Variants in ARL15 observed in about 807,000 individuals in gnomAD.
The protein encoded by ARL15 is ADP-ribosylation factor-like protein 15.
ARL15 carries 19 observed loss-of-function variants against 25.2 expected under a neutral mutation model. The ratio of observed to expected loss-of-function variants is 0.75; its 90% CI spans 0.53 to 1.10. The LOEUF (loss-of-function observed/expected upper bound fraction) is 1.10, where lower values mean the gene tolerates loss of function less well. Ranked by LOEUF, ARL15 falls within the 50% of genes least tolerant of loss-of-function variation. The probability of loss-of-function intolerance (pLI) is 0.00; values close to 1 mark genes in which losing one functional copy is unlikely to be tolerated. For missense variants in ARL15, 220 were observed against 246.0 expected (o/e 0.89, Z 0.71); for synonymous variants, 94 against 86.8 (o/e 1.08, Z -0.46).
intron 4 of ARL15, among the ~76,000 whole-genome samples, chr5:54,057,999 T>A (rs1163173815): frequency 7.0e-6 from 1 of 142,850 alleles, no homozygotes; most frequent in African/African-American, 2.8e-5. Context: ...TTTATTTATT[T>A]ATTTATTTAT....
chr5:54,133,903 A>C (rs904967620), intron 3 of ARL15, among the ~76,000 whole-genome samples: 1 of 152,228 alleles, frequency 6.6e-6, no homozygotes, highest in Admixed American at 6.5e-5. Context: ...AGATCAGATA[A>C]GAAAAAAAAC....
chr5:54,135,905 T>A (rs891297480), intron 3 of ARL15, among the ~76,000 whole-genome samples: 2 of 152,196 alleles, frequency 1.3e-5, no homozygotes, highest in Non-Finnish European at 2.9e-5. Flanking sequence ...ACACTGCTTC[T>A]GAGAAGGACA....
chr5:54,088,443 T>TA (rs917789941), intron 4 of ARL15, among the ~76,000 whole-genome samples: 96 of 151,590 alleles, frequency 6.3e-4, no homozygotes, highest in Admixed American at 1.4e-3. Flanking sequence ...AACAAAACTG[T>TA]AAAAAAAAAT....
intron 4 of ARL15, among the ~76,000 whole-genome samples, chr5:54,043,367 G>A (rs921163683): frequency 1.3e-5 from 2 of 152,156 alleles, no homozygotes; most frequent in East Asian, 3.9e-4. Context: ...AAGGCTCTGA[G>A]TGAATGGTAG....
chr5:53,994,025 G>A (rs533141285), intron 4 of ARL15, among the ~76,000 whole-genome samples: 1 of 152,240 alleles, frequency 6.6e-6, no homozygotes, highest in African/African-American at 2.4e-5. Context: ...CAATCCAGTG[G>A]GGGTAAATGA....
At chr5:54,153,953 G>A (rs944695577) in intron 3 of ARL15, among the ~76,000 whole-genome samples, 6 of 152,050 alleles carry the variant, frequency 3.9e-5, no homozygotes, top group Admixed American at 2.0e-4. Context: ...ATTTTCATGC[G>A]CCATTAGAGA....
At chr5:54,268,436 T>C (rs1452157025) in intron 1 of ARL15, among the ~76,000 whole-genome samples, 1 of 152,244 alleles carries the variant, frequency 6.6e-6, no homozygotes, top group Non-Finnish European at 1.5e-5. Flanking sequence ...CTCGGAGTAG[T>C]TTGATCGTCT....
At chr5:54,082,385 C>T (rs919680469) in intron 4 of ARL15, among the ~76,000 whole-genome samples, 2 of 152,002 alleles carry the variant, frequency 1.3e-5, no homozygotes, top group African/African-American at 4.8e-5. Flanking sequence ...TATAGGTTGA[C>T]TTTTTTTTAA....
chr5:54,068,925 G>A (rs368391411), intron 4 of ARL15, among the ~76,000 whole-genome samples: 1 of 152,190 alleles, frequency 6.6e-6, no homozygotes, highest in Non-Finnish European at 1.5e-5. Flanking sequence ...AATAATGCCA[G>A]TTGAGAGCTA....
At chr5:54,235,219 G>T (rs922527262) in intron 1 of ARL15, among the ~76,000 whole-genome samples, 3 of 152,130 alleles carry the variant, frequency 2.0e-5, no homozygotes, top group Admixed American at 1.3e-4. Context: ...AAGAACCAAT[G>T]CTTGGGGTAT....
chr5:54,005,762 T>C (rs1749010452), intron 4 of ARL15, among the ~76,000 whole-genome samples: 2 of 151,352 alleles, frequency 1.3e-5, no homozygotes, highest in South Asian at 2.1e-4. Flanking sequence ...CTCGGGAGGC[T>C]GAGGCAGGAG....
At chr5:53,908,537 T>C (rs1231138401) in intron 4 of ARL15, among the ~76,000 whole-genome samples, 1 of 152,202 alleles carries the variant, frequency 6.6e-6, no homozygotes, top group Non-Finnish European at 1.5e-5. Flanking sequence ...CAGATTTTGT[T>C]ATTTCAGAAA....
At chr5:53,990,807 T>A (rs1748464924) in intron 4 of ARL15, among the ~76,000 whole-genome samples, 1 of 152,192 alleles carries the variant, frequency 6.6e-6, no homozygotes, top group South Asian at 2.1e-4. Context: ...AGAGAAGAAT[T>A]ATTTTATGAA....
At chr5:53,996,618 TA>T (rs529752025) in intron 4 of ARL15, among the ~76,000 whole-genome samples, 2,081 of 98,770 alleles carry the variant, frequency 0.021, 19 homozygotes, top group African/African-American at 0.049. Flanking sequence ...GACTGTCTCA[TA>T]AAAAAAAAAA....
At chr5:54,185,046 C>T (rs139052090) in intron 1 of ARL15, among the ~76,000 whole-genome samples, 31 of 152,286 alleles carry the variant, frequency 2.0e-4, no homozygotes, top group Middle Eastern at 3.4e-3. Flanking sequence ...CCTTTGCCTT[C>T]ATTTCTGGCA....
chr5:53,976,465 T>G (rs933544400), intron 4 of ARL15, among the ~76,000 whole-genome samples: 3 of 152,180 alleles, frequency 2.0e-5, no homozygotes, highest in Non-Finnish European at 2.9e-5. Context: ...ACTTGAACTT[T>G]TATACTAATG....
chr5:54,090,428 A>G (rs946371092), intron 4 of ARL15, among the ~76,000 whole-genome samples: 14 of 145,458 alleles, frequency 9.6e-5, no homozygotes, highest in African/African-American at 3.2e-4. Flanking sequence ...ATTGAAAAGC[A>G]AAAAAAAAGA....
chr5:54,126,572 G>T (rs756771749), intron 3 of ARL15, among the ~76,000 whole-genome samples: 13 of 152,322 alleles, frequency 8.5e-5, no homozygotes, highest in Non-Finnish European at 1.5e-4. Context: ...CATGTATTGG[G>T]AACTTGGTCC....
chr5:54,130,891 A>G (rs1753407476), intron 3 of ARL15, among the ~76,000 whole-genome samples: 1 of 152,214 alleles, frequency 6.6e-6, no homozygotes, highest in African/African-American at 2.4e-5. Flanking sequence ...GGCACATCTA[A>G]GGAAGGATGC....
Sources: allele counts gnomAD v4.1 joint callset (sites outside exome capture counted in the v4.1 genomes callset), GRCh38; gene constraint gnomAD v4.1.1; transcripts MANE v1.5; gene names NCBI Gene and HGNC (gene_info 2026-07-23, HGNC 2026-07-21).